Variants in MTPAP observed in about 807,000 individuals in gnomAD.
MTPAP encodes mitochondrial poly(A) polymerase.
Under a neutral mutation model 48.7 loss-of-function variants are expected in MTPAP, and 23 were observed. The observed-to-expected ratio is 0.47, with a 90% CI of 0.34 to 0.67. MTPAP has a LOEUF of 0.67. Among genes scored for constraint, MTPAP ranks in the 30% least tolerant of loss-of-function variants. The probability of loss-of-function intolerance (pLI) is 0.01; values close to 1 mark genes in which losing one functional copy is unlikely to be tolerated. For synonymous variants in MTPAP, 257 were observed against 254.1 expected, an observed-to-expected ratio of 1.01 and a Z score of -0.11; for missense variants, 614 against 694.3, an observed-to-expected ratio of 0.88 and a Z score of 1.30.
chr10:30,349,232 C>T lies in MTPAP; in HGVS notation c.44G>A (p.Cys15Tyr), dbSNP rs1834906148. The change falls in exon 1 of 9, where the codon TGT (cysteine) becomes TAT (tyrosine). Residue 15 changes from cysteine to tyrosine, a missense_variant. By Grantham distance (194) the Cys-to-Tyr change is radical. Transcript: ENST00000263063. ...GVGLLTRLNL[C>Y]ARRRTRVQRP... ...CTGGACTCGAGTTCTTCTCCGGGCA[C>T]ACAGGTTCAAACGGGTCAAGAGCCC... 6.4e-7 allele frequency: 1 copy of T among 1,574,736 alleles called. No individual in the cohort carries two copies. Among genetic ancestry groups the T allele is most frequent in the Admixed American group, 1.8e-5 (1 of 56,636 alleles).
intron 8 of MTPAP, among the ~76,000 whole-genome samples, chr10:30,315,160 A>G (rs1840646294): frequency 6.6e-6 from 1 of 152,350 alleles, no homozygotes; most frequent in Non-Finnish European, 1.5e-5. Context: ...CCTTCTAGAT[A>G]GCATTTGCAA....
Position 30,316,251 on chromosome 10 carries a change from T to C in MTPAP, c.1220-41A>G, listed in dbSNP as rs201051924. 6 of 1,507,178 alleles carry C rather than the reference T, an allele frequency of 4.0e-6. No individual in the cohort carries two copies. In the East Asian group the frequency reaches 1.4e-4, roughly 34 times the overall value. 93.4% of individuals were successfully genotyped at this position (1,507,178 alleles called of 1,614,324 possible). A position where few individuals can be genotyped will look rare whatever the true frequency, so the allele number is the denominator to read the frequency against. ...AAAATATTTCACGTGTTTTTTTTTT[T>C]TCTTTGCCTGAGATGGAGTCTCACT... is the stretch of plus-strand genomic sequence containing the variant. On this transcript the variant is annotated intron_variant, in intron 6 of 8. Transcript: ENST00000263063.
intron 2 of MTPAP, 43 bp downstream of exon 2, chr10:30,341,425 G>A: frequency 1.3e-6 from 2 of 1,587,806 alleles, no homozygotes; most frequent in Non-Finnish European, 8.6e-7. Context: ...CTCCACCCTT[G>A]AAAAGCATAA....
intron 4 of MTPAP, among the ~76,000 whole-genome samples, chr10:30,331,810 G>A (rs553986824): frequency 3.9e-5 from 6 of 152,234 alleles, no homozygotes; most frequent in Admixed American, 1.3e-4. Flanking sequence ...CAGGTGATCC[G>A]CCCACCTTGG....
chr10:30,314,884 C>CAAAAAA (rs34249388), intron 8 of MTPAP, among the ~76,000 whole-genome samples: 239 of 110,712 alleles, frequency 2.2e-3, no homozygotes, highest in East Asian at 6.8e-3. Context: ...AAAACAAAAA[C>CAAAAAA]AAAAAAAAAA....
Position 30,349,181 on chromosome 10 carries a change from C to T in MTPAP, c.95G>A (p.Cys32Tyr). ...AAGGTCTTTGGCCACAGTTCCTGGG[C>T]AACTCAAAAGCCTGACGATAGGCCG... ...VQRPIVRLLSCPGTVAKDLRR... is the reference protein window; with the variant it reads ...VQRPIVRLLSYPGTVAKDLRR... The change falls in exon 1 of 9, where the codon TGC becomes TAC. Residue 32 changes from cysteine (C) to tyrosine (Y), a missense_variant. Physicochemically the swap from Cys to Tyr is radical, Grantham distance 194. This residue lies in a region of MTPAP where 125 missense variants were observed against 111.5 expected (regional missense o/e 1.12). Coordinates refer to ENST00000263063, the MANE Select transcript of MTPAP (RefSeq NM_018109.4). The T allele has an allele frequency of 6.2e-7, 1 of 1,607,904 alleles. No homozygotes were observed. Among genetic ancestry groups the T allele is most frequent in the Non-Finnish European group, 8.5e-7 (1 of 1,176,946 alleles).
At chr10:30,326,726 C>A (rs1358488861) in intron 4 of MTPAP, 91 bp from the exon 5 acceptor site, 4 of 943,310 alleles carry the variant, frequency 4.2e-6, no homozygotes, top group East Asian at 5.0e-5. Flanking sequence ...TAAATCACTG[C>A]TGGAAAGCAA....
intron 6 of MTPAP, among the ~76,000 whole-genome samples, chr10:30,317,680 T>A (rs1840677666): frequency 6.6e-6 from 1 of 152,148 alleles, no homozygotes; most frequent in Admixed American, 6.6e-5. Flanking sequence ...CATTCACCAT[T>A]TGACTTATCT....
chr10:30,345,372 G>A (rs1268396167), intron 1 of MTPAP, among the ~76,000 whole-genome samples: 1 of 152,128 alleles, frequency 6.6e-6, no homozygotes, highest in Non-Finnish European at 1.5e-5. Flanking sequence ...TACAAACAAT[G>A]CTGCAATGTC....
At chr10:30,348,411 T>C (rs1834895601) in intron 1 of MTPAP, among the ~76,000 whole-genome samples, 1 of 152,240 alleles carries the variant, frequency 6.6e-6, no homozygotes. Context: ...AACCATTTTC[T>C]ACATCTGTAA....
chr10:30,335,181 C>T (rs548087143), intron 4 of MTPAP, among the ~76,000 whole-genome samples: 7 of 152,276 alleles, frequency 4.6e-5, no homozygotes, highest in African/African-American at 1.7e-4. Flanking sequence ...AGAAACTAAA[C>T]ATTTTATAAA....
chr10:30,319,270 C>T lies in MTPAP; in HGVS notation c.1220-3060G>A, dbSNP rs549826346. On this transcript the variant is annotated intron_variant, in intron 6 of 8. Coordinates refer to ENST00000263063, the MANE Select transcript of MTPAP (RefSeq NM_018109.4). ...TGAAAAAGTTTGGTCTTTAGCTTAG[C>T]TTAGGTTCTAAATAGTAGTTTACAA... 3.4e-4 allele frequency among the ~76,000 whole-genome samples: 52 copies of T among 152,252 alleles called. 1 individual carries two copies. The highest frequency in any genetic ancestry group is 9.6e-4 in the African/African-American group (40 of 41,554).
Position 30,313,269 on chromosome 10 carries a change from AT to A in MTPAP, c.*339del. 1.3e-4 allele frequency: 34 copies of A among 259,880 alleles called. No individual in the cohort carries two copies. Among genetic ancestry groups the A allele is most frequent in the South Asian group, 2.9e-4 (5 of 16,964 alleles). 16.1% of individuals were successfully genotyped at this position (259,880 alleles called of 1,614,324 possible). On this transcript the variant is annotated 3_prime_UTR_variant, in exon 9 of 9. Transcript: ENST00000263063. ...TTCCTTGTGGCTTATGTTTATTTTC[AT>A]TTTTTTTAGAGATGGAATCTTGCTA...
chr10:30,315,714 T>C (rs1413576540), intron 8 of MTPAP, among the ~76,000 whole-genome samples: 1 of 152,146 alleles, frequency 6.6e-6, no homozygotes, highest in Non-Finnish European at 1.5e-5. Context: ...TTACACTAAG[T>C]GAGGACAGAA....
In MTPAP at chr10:30,313,321, C is replaced by T; in HGVS notation, c.*288G>A. The T allele has an allele frequency of 7.5e-6, 3 of 398,072 alleles. No homozygotes were observed. The highest frequency in any genetic ancestry group is 3.1e-5 in the South Asian group (1 of 32,356). 24.7% of individuals were successfully genotyped at this position (398,072 alleles called of 1,614,324 possible). ...TGTTGTCCACGATGGATTCAAAATCCTGGGCTCAAGAGATCCTCCTGCCTC... is the reference window on the plus strand; with the variant it reads ...TGTTGTCCACGATGGATTCAAAATCTTGGGCTCAAGAGATCCTCCTGCCTC... On this transcript the variant is annotated 3_prime_UTR_variant, in exon 9 of 9. Transcript: ENST00000263063.
chr10:30,339,480 CAAAAAAAAAA>C lies in MTPAP; in HGVS notation c.555+736_555+745del, dbSNP rs34169013. On this transcript the variant is annotated intron_variant, in intron 3 of 8. Coordinates refer to ENST00000263063, the MANE Select transcript of MTPAP (RefSeq NM_018109.4). ...CCTGGGCAAGAGCGAGACTCCATCT[CAAAAAAAAAA>C]AAAAAAAAAGAGAGAGAGAATCAGA... Among the ~76,000 whole-genome samples the C allele has an allele frequency of 4.3e-5, 4 of 92,272 alleles. No individual in the cohort carries two copies. In the East Asian group the frequency reaches 1.3e-3, roughly 29 times the overall value. The allele number at this position is 92,272 out of a possible 152,430, so 60.5% of individuals were successfully genotyped here. A position where few individuals can be genotyped will look rare whatever the true frequency, so the allele number is the denominator to read the frequency against.
chr10:30,340,053 T>C, intron 3 of MTPAP, 173 bp downstream of exon 3: 1 of 638,608 alleles, frequency 1.6e-6, no homozygotes, highest in South Asian at 1.9e-5. Context: ...AAAACTTTCC[T>C]TCATCTCATT....
Position 30,323,671 on chromosome 10 carries a change from G to A in MTPAP, c.993-1054C>T, listed in dbSNP as rs560189241. On this transcript the variant is annotated intron_variant, in intron 5 of 8. Transcript: ENST00000263063. ...ACTACAGGCGCCCACCACCACGCCC[G>A]GCTAATTTTTTTGTATTTTTAGTAG... Among the ~76,000 whole-genome samples, 164 of 151,962 alleles carry A rather than the reference G, an allele frequency of 1.1e-3. 1 individual carries two copies. The highest frequency in any genetic ancestry group is 3.6e-3 in the African/African-American group (150 of 41,480).
At chr10:30,344,773 C>T (rs932639301) in intron 1 of MTPAP, among the ~76,000 whole-genome samples, 21 of 151,534 alleles carry the variant, frequency 1.4e-4, no homozygotes, top group African/African-American at 4.6e-4. Flanking sequence ...GGTGTGATCT[C>T]GGCTCACCGC....
Sources: allele counts gnomAD v4.1 joint callset (sites outside exome capture counted in the v4.1 genomes callset), GRCh38; gene constraint gnomAD v4.1.1; regional missense constraint gnomAD v4.1.1; transcripts MANE v1.5; gene names NCBI Gene and HGNC (gene_info 2026-07-23, HGNC 2026-07-21).